PRKCE: variants seen among roughly 807,000 people sequenced by gnomAD.
The protein encoded by PRKCE is protein kinase C epsilon.
A neutral mutation model predicts 85.4 loss-of-function variants in PRKCE; 16 were observed. That is an observed-to-expected ratio of 0.19 (90% CI 0.13 to 0.28). The LOEUF (loss-of-function observed/expected upper bound fraction) is 0.28, where lower values mean the gene tolerates loss of function less well. PRKCE is among the 10% of genes least tolerant of loss of function. The pLI, the probability that PRKCE is intolerant of heterozygous loss-of-function variation, is 1.00. For missense variants in PRKCE, 573 were observed against 975.2 expected, an observed-to-expected ratio of 0.59 and a Z score of 5.49; for synonymous variants, 388 against 371.5, an observed-to-expected ratio of 1.04 and a Z score of -0.51.
chr2:45,725,061 C>A (rs1209646986), intron 1 of PRKCE, among the ~76,000 whole-genome samples: 1 of 152,224 alleles, frequency 6.6e-6, no homozygotes, highest in Non-Finnish European at 1.5e-5. Context: ...GGCTTCAAAG[C>A]TTCAAAGGCC....
intron 1 of PRKCE, among the ~76,000 whole-genome samples, chr2:45,654,325 TG>T (rs1421685153): frequency 6.6e-6 from 1 of 152,242 alleles, no homozygotes; most frequent in Admixed American, 6.5e-5. Flanking sequence ...TAGTGAAGCA[TG>T]CAGTGGGAAC....
At chr2:45,949,513 G>T (rs1700478105) in intron 2 of PRKCE, among the ~76,000 whole-genome samples, 1 of 146,370 alleles carries the variant, frequency 6.8e-6, no homozygotes, top group East Asian at 2.0e-4. Flanking sequence ...TCTTTTCTCG[G>T]TATCTTTTTC....
intron 14 of PRKCE, among the ~76,000 whole-genome samples, chr2:46,170,045 A>T (rs182370436): frequency 6.6e-6 from 1 of 152,352 alleles, no homozygotes; most frequent in East Asian, 1.9e-4. Flanking sequence ...AGGGATTTGC[A>T]GGGTTTTTTA....
At chr2:45,847,466 T>C (rs1167592143) in intron 2 of PRKCE, among the ~76,000 whole-genome samples, 29 of 152,376 alleles carry the variant, frequency 1.9e-4, no homozygotes, top group Non-Finnish European at 5.9e-5. Context: ...CTGGACTTTT[T>C]TCAAGTTGCA....
At chr2:46,024,815 C>T (rs1706971100) in intron 10 of PRKCE, among the ~76,000 whole-genome samples, 1 of 152,080 alleles carries the variant, frequency 6.6e-6, no homozygotes, top group Non-Finnish European at 1.5e-5. Flanking sequence ...TTAAATCCAA[C>T]CTCCTTTATC....
At chr2:45,656,434 G>A (rs913702257) in intron 1 of PRKCE, among the ~76,000 whole-genome samples, 3 of 152,204 alleles carry the variant, frequency 2.0e-5, no homozygotes, top group Non-Finnish European at 4.4e-5. Flanking sequence ...GATAATGAGA[G>A]ATGTTTCAGT....
intron 13 of PRKCE, among the ~76,000 whole-genome samples, chr2:46,151,670 T>A (rs1035201065): frequency 7.2e-5 from 2 of 27,800 alleles, no homozygotes; most frequent in African/African-American, 1.4e-4. Flanking sequence ...GGAGGGAGGG[T>A]GGGCACCGCC....
rs1293782806 is a variant in PRKCE at position 45,774,273 on chromosome 2, A to G, written c.349-68727A>G. ...CTCTCAGCAGCTGCTTCACAGCCTCACGGGAGGTGATCGGACACCAGCCTG... is the reference window on the plus strand; with the variant it reads ...CTCTCAGCAGCTGCTTCACAGCCTCGCGGGAGGTGATCGGACACCAGCCTG... On this transcript the variant is annotated intron_variant, in intron 1 of 14. Coordinates refer to ENST00000306156, the MANE Select transcript of PRKCE (RefSeq NM_005400.3). This position sits in a 1 kb window ranked among gnomAD's most constrained non-coding sequence, Gnocchi z 4.3. 1.3e-5 allele frequency among the ~76,000 whole-genome samples: 2 copies of G among 152,066 alleles called. No homozygotes were observed. Among genetic ancestry groups the G allele is most frequent in the African/African-American group, 2.4e-5 (1 of 41,414 alleles).
intron 11 of PRKCE, among the ~76,000 whole-genome samples, chr2:46,116,459 T>G (rs1299568987): frequency 3.3e-5 from 5 of 152,166 alleles, no homozygotes; most frequent in African/African-American, 7.2e-5. Flanking sequence ...TTAAGAAAAA[T>G]GTGAAAGGAG....
chr2:46,011,754 C>T (rs1294624890), intron 10 of PRKCE, among the ~76,000 whole-genome samples: 1 of 152,004 alleles, frequency 6.6e-6, no homozygotes, highest in African/African-American at 2.4e-5. Flanking sequence ...ATCCCAGGGT[C>T]CCCCATCTCT....
chr2:46,152,749 A>T (rs996069671), intron 13 of PRKCE, among the ~76,000 whole-genome samples: 1 of 151,790 alleles, frequency 6.6e-6, no homozygotes, highest in Non-Finnish European at 1.5e-5. Context: ...GGGTTTCGCC[A>T]TGTTGGCCAG....
chr2:46,055,252 C>T (rs1666457798), intron 10 of PRKCE, among the ~76,000 whole-genome samples: 2 of 152,254 alleles, frequency 1.3e-5, no homozygotes. Context: ...GGGGCCCTCA[C>T]AGAGATTTGC....
chr2:46,051,393 A>C (rs1282991757), intron 10 of PRKCE, among the ~76,000 whole-genome samples: 1 of 152,108 alleles, frequency 6.6e-6, no homozygotes, highest in East Asian at 1.9e-4. Flanking sequence ...GGGTAGGGCA[A>C]ATGTGATTTT....
chr2:45,892,235 CT>C (rs1457627159), intron 2 of PRKCE, among the ~76,000 whole-genome samples: 8 of 152,206 alleles, frequency 5.3e-5, no homozygotes, highest in Non-Finnish European at 1.2e-4. Flanking sequence ...CTTTTTTGAG[CT>C]CCCATGGCCC....
chr2:45,699,801 G>C (rs1678467645), intron 1 of PRKCE, among the ~76,000 whole-genome samples: 1 of 152,280 alleles, frequency 6.6e-6, no homozygotes, highest in Admixed American at 6.5e-5. Context: ...CTGTTGCTGT[G>C]GGCTGATGCG....
chr2:45,763,189 C>T (rs1684654865), intron 1 of PRKCE, among the ~76,000 whole-genome samples: 1 of 152,116 alleles, frequency 6.6e-6, no homozygotes, highest in Admixed American at 6.5e-5. Flanking sequence ...CTCCTGACCT[C>T]GTGATCCTCC....
chr2:45,969,535 G>A (rs1426522669), intron 2 of PRKCE, among the ~76,000 whole-genome samples: 2 of 152,136 alleles, frequency 1.3e-5, no homozygotes, highest in African/African-American at 4.8e-5. Flanking sequence ...CGGGCCCAGC[G>A]TTTACTCAGT....
intron 1 of PRKCE, among the ~76,000 whole-genome samples, chr2:45,676,497 C>CT (rs1676457104): frequency 6.6e-6 from 1 of 152,208 alleles, no homozygotes; most frequent in Non-Finnish European, 1.5e-5. Context: ...AACAGGAAAA[C>CT]TAAGTTTATA....
intron 1 of PRKCE, among the ~76,000 whole-genome samples, chr2:45,762,204 C>G (rs574468755): frequency 2.0e-5 from 3 of 152,166 alleles, no homozygotes; most frequent in Non-Finnish European, 2.9e-5. Context: ...CTCTTACTTC[C>G]GAAGGATTTA....
Sources: allele counts gnomAD v4.1 joint callset (sites outside exome capture counted in the v4.1 genomes callset), GRCh38; gene constraint gnomAD v4.1.1; non-coding constraint Gnocchi (gnomAD v3.1); transcripts MANE v1.5; gene names NCBI Gene and HGNC (gene_info 2026-07-23, HGNC 2026-07-21).